The following PTPRD variants were observed in gnomAD, a reference collection of about 807,000 sequenced individuals.
PTPRD encodes receptor-type tyrosine-protein phosphatase delta.
In PTPRD, 34 loss-of-function variants were observed where a neutral mutation model predicts 214.5. That is an observed-to-expected ratio of 0.16 (90% confidence interval 0.12 to 0.21). The LOEUF (loss-of-function observed/expected upper bound fraction) is 0.21, where lower values mean the gene tolerates loss of function less well. Among genes scored for constraint, PTPRD ranks in the 10% least tolerant of loss-of-function variants. The pLI, the probability that PTPRD is intolerant of heterozygous loss-of-function variation, is 1.00. For missense variants in PTPRD, 2,545 were observed against 2,398.7 expected, an observed-to-expected ratio of 1.06 and a Z score of -1.27; for synonymous variants, 1,128 against 845.7, an observed-to-expected ratio of 1.33 and a Z score of -5.79.
chr9:8,773,844 C>A (rs892380842), intron 11 of PTPRD, among the ~76,000 whole-genome samples: 2 of 152,150 alleles, frequency 1.3e-5, no homozygotes, highest in Non-Finnish European at 2.9e-5. Flanking sequence ...TGTTTCCTGT[C>A]TAGAACTCTC....
At chr9:9,090,507 T>C (rs757338688) in intron 10 of PTPRD, among the ~76,000 whole-genome samples, 1 of 152,170 alleles carries the variant, frequency 6.6e-6, no homozygotes, top group Non-Finnish European at 1.5e-5. Context: ...AGATATTATA[T>C]ATTTATAATC....
At position 8,757,733 on chromosome 9, in the gene PTPRD, T is replaced by C. The variant is rs767701360; in HGVS notation, c.-103-23787A>G. Among the ~76,000 whole-genome samples, 9 of 150,924 alleles carry C rather than the reference T, an allele frequency of 6.0e-5. 1 individual carries two copies. The highest frequency in any genetic ancestry group is 4.2e-4 in the South Asian group (2 of 4,816). On this transcript the variant is annotated intron_variant, in intron 11 of 45. Transcript: ENST00000381196. ...AGGAAAAAGATTAGAACTATACTGA[T>C]AGCAATGAGCTGTCATGTGGATATT...
chr9:8,627,261 C>T (rs969580091), intron 14 of PTPRD, among the ~76,000 whole-genome samples: 2 of 151,732 alleles, frequency 1.3e-5, no homozygotes, highest in African/African-American at 2.4e-5. Context: ...ATCTGAAGGG[C>T]TGAAACTCAC....
At chr9:10,190,718 C>CAAAAAAAAA (rs57891244) in intron 3 of PTPRD, among the ~76,000 whole-genome samples, 4 of 44,214 alleles carry the variant, frequency 9.0e-5, no homozygotes, top group South Asian at 1.0e-3. Flanking sequence ...AACTCTGTCT[C>CAAAAAAAAA]AAAAAAAAAA....
chr9:8,397,920 T>C (rs1193180906), intron 36 of PTPRD, among the ~76,000 whole-genome samples: 1 of 152,156 alleles, frequency 6.6e-6, no homozygotes, highest in African/African-American at 2.4e-5. Context: ...CAGCAGATGA[T>C]ATATATTTGA....
At chr9:9,582,162 A>AT (rs1431861532) in intron 7 of PTPRD, among the ~76,000 whole-genome samples, 3 of 151,992 alleles carry the variant, frequency 2.0e-5, no homozygotes, top group South Asian at 4.1e-4. Context: ...TACTTTACTT[A>AT]TTTTTTGCTA....
At chr9:9,505,460 C>G (rs2154235308) in intron 8 of PTPRD, among the ~76,000 whole-genome samples, 1 of 151,630 alleles carries the variant, frequency 6.6e-6, no homozygotes. Flanking sequence ...TTTAGCCTGA[C>G]TGAATTCTGA....
chr9:9,450,120 C>G (rs10977760), intron 8 of PTPRD, among the ~76,000 whole-genome samples: 2,316 of 144,956 alleles, frequency 0.016, 44 homozygotes, highest in African/African-American at 0.049. Flanking sequence ...GTGTGTGTGT[C>G]TGTGTGTGTG....
chr9:9,288,287 C>T (rs1950125075), intron 9 of PTPRD, among the ~76,000 whole-genome samples: 1 of 151,730 alleles, frequency 6.6e-6, no homozygotes, highest in Non-Finnish European at 1.5e-5. Context: ...GCTATTTTAT[C>T]CATATTATGC....
chr9:8,559,312 A>T (rs2085228206), intron 14 of PTPRD, among the ~76,000 whole-genome samples: 1 of 152,228 alleles, frequency 6.6e-6, no homozygotes, highest in Non-Finnish European at 1.5e-5. Flanking sequence ...TATCCCAGTT[A>T]TCCTAATTTT....
intron 2 of PTPRD, among the ~76,000 whole-genome samples, chr9:10,431,126 A>T (rs902657672): frequency 3.9e-5 from 6 of 152,092 alleles, no homozygotes; most frequent in African/African-American, 1.4e-4. Context: ...CTCTCAAGAG[A>T]GCTCTAAAAG....
Position 9,894,198 on chromosome 9 carries a change from A to G in PTPRD, c.-368+44309T>C, listed in dbSNP as rs553788217. Among the ~76,000 whole-genome samples, 4 of 152,222 alleles carry G rather than the reference A, an allele frequency of 2.6e-5. No individual in the cohort carries two copies. In the East Asian group the frequency reaches 7.7e-4, roughly 29 times the overall value. ...CATTTCTCCCCTAAACTCCTTCAAC[A>G]GCCTCCTGGCTGGTCTCTCTGCCTC... On this transcript the variant is annotated intron_variant, in intron 5 of 45. Coordinates refer to ENST00000381196, the MANE Select transcript of PTPRD (RefSeq NM_002839.4).
At chr9:8,500,333 T>C (rs964101645) in intron 24 of PTPRD, among the ~76,000 whole-genome samples, 1 of 151,590 alleles carries the variant, frequency 6.6e-6, no homozygotes, top group African/African-American at 2.4e-5. Flanking sequence ...AAATTCAATG[T>C]TGAGCATCAA....
At chr9:8,839,586 A>T (rs1348169681) in intron 11 of PTPRD, among the ~76,000 whole-genome samples, 1 of 152,192 alleles carries the variant, frequency 6.6e-6, no homozygotes, top group Non-Finnish European at 1.5e-5. Flanking sequence ...TGGCCTCCCA[A>T]AGTGCTGGGA....
intron 8 of PTPRD, among the ~76,000 whole-genome samples, chr9:9,504,592 C>G (rs2096526947): frequency 6.6e-6 from 1 of 151,604 alleles, no homozygotes. Flanking sequence ...AGATGAGATA[C>G]AAGGCAAAGA....
At chr9:8,627,739 ATTTTCAG>A (rs2096089797) in intron 14 of PTPRD, among the ~76,000 whole-genome samples, 1 of 151,718 alleles carries the variant, frequency 6.6e-6, no homozygotes, top group African/African-American at 2.4e-5. Flanking sequence ...TCTCCCCCAG[ATTTTCAG>A]TTTTAATGTC....
At chr9:8,344,701 A>C (rs1855866775) in intron 39 of PTPRD, among the ~76,000 whole-genome samples, 3 of 152,032 alleles carry the variant, frequency 2.0e-5, no homozygotes, top group African/African-American at 7.2e-5. Context: ...AACATTAAAT[A>C]AGTGTTTTCG....
chr9:10,461,004 T>A (rs988840474), intron 2 of PTPRD, among the ~76,000 whole-genome samples: 3 of 151,766 alleles, frequency 2.0e-5, no homozygotes, highest in African/African-American at 4.8e-5. Flanking sequence ...AAATAAGGGG[T>A]TAATATCCAA....
intron 12 of PTPRD, among the ~76,000 whole-genome samples, chr9:8,680,254 T>C (rs1236041418): frequency 6.6e-6 from 1 of 152,164 alleles, no homozygotes; most frequent in Non-Finnish European, 1.5e-5. Context: ...GGAAAACCAA[T>C]GTTGAAAAGA....
Sources: gnomAD v4.1 joint callset for allele counts (sites outside exome capture counted in the v4.1 genomes callset) on GRCh38, gnomAD v4.1.1 for gene constraint, MANE v1.5 for transcripts, NCBI Gene and HGNC (gene_info 2026-07-23, HGNC 2026-07-21) for gene names.